SLC39A9: variants seen among roughly 807,000 people sequenced by gnomAD.
The protein encoded by SLC39A9 is zinc transporter ZIP9.
Under a neutral mutation model 28.4 loss-of-function variants are expected in SLC39A9, and 14 were observed. The ratio of observed to expected loss-of-function variants is 0.49; its 90% confidence interval spans 0.33 to 0.77. SLC39A9 has a LOEUF of 0.77. Ranked by LOEUF, SLC39A9 falls within the 30% of genes least tolerant of loss-of-function variation. The pLI is 0.02. For missense variants in SLC39A9, 283 were observed against 381.1 expected, an observed-to-expected ratio of 0.74 and a Z score of 2.14; for synonymous variants, 119 against 149.6, an observed-to-expected ratio of 0.80 and a Z score of 1.49.
At chr14:69,403,462 A>G (rs1882747527) in intron 1 of SLC39A9, among the ~76,000 whole-genome samples, 1 of 152,240 alleles carries the variant, frequency 6.6e-6, no homozygotes, top group East Asian at 1.9e-4. Context: ...TCAGAGCTCT[A>G]CAGCAATATT....
intron 3 of SLC39A9, among the ~76,000 whole-genome samples, chr14:69,446,873 C>CAAAAAAAAAAAAAAAAAAA (rs35612117): frequency 1.1e-5 from 1 of 89,820 alleles, no homozygotes; most frequent in Non-Finnish European, 2.1e-5. Flanking sequence ...AACTCTGTCT[C>CAAAAAAAAAAAAAAAAAAA]AAAAAAAAAA....
At chr14:69,437,769 A>G (rs2140292278) in intron 2 of SLC39A9, among the ~76,000 whole-genome samples, 1 of 151,582 alleles carries the variant, frequency 6.6e-6, no homozygotes, top group Non-Finnish European at 1.5e-5. Context: ...TTGTATTTTT[A>G]ATAGAGATGG....
At position 69,454,900 on chromosome 14, in the gene SLC39A9, A is replaced by G. The variant is rs1379910412; in HGVS notation, c.558+3A>G. 1 of 1,612,044 alleles carries G rather than the reference A, an allele frequency of 6.2e-7. No individual in the cohort carries two copies. Among genetic ancestry groups the G allele is most frequent in the Non-Finnish European group, 8.5e-7 (1 of 1,178,834 alleles). ...TTGTGGCAATCATGCTACATAAGGTAAGCAACATTTTGGTGTAAGGTTTGG... is the reference window on the plus strand; with the variant it reads ...TTGTGGCAATCATGCTACATAAGGTGAGCAACATTTTGGTGTAAGGTTTGG... On this transcript the variant is annotated splice_donor_region_variant and intron_variant, in intron 5 of 6. Transcript: ENST00000336643.
At chr14:69,415,327 G>A (rs1364522417) in intron 1 of SLC39A9, among the ~76,000 whole-genome samples, 4 of 152,074 alleles carry the variant, frequency 2.6e-5, no homozygotes, top group Non-Finnish European at 4.4e-5. Flanking sequence ...ATTTTAATGG[G>A]TATGAAAAGG....
intron 1 of SLC39A9, among the ~76,000 whole-genome samples, chr14:69,416,232 T>C (rs1883573810): frequency 6.6e-6 from 1 of 152,212 alleles, no homozygotes; most frequent in Admixed American, 6.5e-5. Flanking sequence ...TTTGGTTTTC[T>C]GTCTTTCCGA....
chr14:69,417,105 G>T (rs890968634), intron 1 of SLC39A9, among the ~76,000 whole-genome samples: 1 of 152,158 alleles, frequency 6.6e-6, no homozygotes, highest in Non-Finnish European at 1.5e-5. Flanking sequence ...ATGGTTTTAG[G>T]TGTAACATTT....
At chr14:69,444,720 T>C (rs1885212117) in intron 3 of SLC39A9, among the ~76,000 whole-genome samples, 1 of 152,232 alleles carries the variant, frequency 6.6e-6, no homozygotes, top group Non-Finnish European at 1.5e-5. Flanking sequence ...TTATTTATCA[T>C]TGGAAAATAC....
chr14:69,422,031 A>G (rs1262980051), intron 1 of SLC39A9, among the ~76,000 whole-genome samples: 2 of 152,114 alleles, frequency 1.3e-5, no homozygotes, highest in African/African-American at 4.8e-5. Flanking sequence ...AACCCGTCCC[A>G]GTGAGATGAA....
At chr14:69,401,123 A>G (rs905577550) in intron 1 of SLC39A9, among the ~76,000 whole-genome samples, 1 of 152,196 alleles carries the variant, frequency 6.6e-6, no homozygotes, top group Non-Finnish European at 1.5e-5. Context: ...CGTAGCCACT[A>G]AGCATTTCGG....
At chr14:69,431,914 G>A (rs1366975635) in intron 2 of SLC39A9, among the ~76,000 whole-genome samples, 1 of 152,104 alleles carries the variant, frequency 6.6e-6, no homozygotes, top group African/African-American at 2.4e-5. Context: ...TGGCTGAATG[G>A]TATTCCGTGG....
chr14:69,423,872 G>A (rs1884034205), intron 1 of SLC39A9, among the ~76,000 whole-genome samples: 3 of 147,340 alleles, frequency 2.0e-5, no homozygotes, highest in Non-Finnish European at 4.4e-5. Context: ...CCTCAAGCCT[G>A]AGCGACAGAG....
intron 3 of SLC39A9, among the ~76,000 whole-genome samples, chr14:69,443,600 A>G (rs1400366133): frequency 1.3e-5 from 2 of 152,188 alleles, no homozygotes; most frequent in Non-Finnish European, 2.9e-5. Context: ...GGCAGTCACC[A>G]TGACTCACCT....
At chr14:69,430,080 A>G (rs1884411578) in intron 2 of SLC39A9, among the ~76,000 whole-genome samples, 1 of 152,130 alleles carries the variant, frequency 6.6e-6, no homozygotes, top group Non-Finnish European at 1.5e-5. Flanking sequence ...AGAGTCCTTT[A>G]TATATTCTAG....
At chr14:69,440,091 G>T (rs1461924371) in intron 2 of SLC39A9, among the ~76,000 whole-genome samples, 1 of 152,138 alleles carries the variant, frequency 6.6e-6, no homozygotes, top group Non-Finnish European at 1.5e-5. Context: ...GGAAGGAGAA[G>T]TGCTAAATGA....
Position 69,399,353 on chromosome 14 carries a change from G to C in SLC39A9, c.-17G>C, listed in dbSNP as rs769928047. 6.8e-6 allele frequency: 11 copies of C among 1,611,084 alleles called. No individual in the cohort carries two copies. Among genetic ancestry groups the C allele is most frequent in the Non-Finnish European group, 9.3e-6 (11 of 1,177,962 alleles). ...AATTTGTTGTCTAGTGGTTGTGGGT[G>C]AATAAAGGAGGGCAGAATGGATGAT... is the stretch of plus-strand genomic sequence containing the variant. On this transcript the variant is annotated 5_prime_UTR_variant, in exon 1 of 7. Coordinates refer to ENST00000336643, the MANE Select transcript of SLC39A9 (RefSeq NM_018375.5).
At chr14:69,444,000 ACATGGTGAGACCC>A (rs1885172363) in intron 3 of SLC39A9, among the ~76,000 whole-genome samples, 1 of 152,078 alleles carries the variant, frequency 6.6e-6, no homozygotes, top group African/African-American at 2.4e-5. Context: ...AGCCTGGGAG[ACATGGTGAGACCC>A]CATCTCTACG....
chr14:69,414,650 T>C (rs1333752639), intron 1 of SLC39A9, among the ~76,000 whole-genome samples: 4 of 152,352 alleles, frequency 2.6e-5, no homozygotes, highest in Admixed American at 1.3e-4. Flanking sequence ...TAGATAATTT[T>C]ATAGAATGAA....
intron 2 of SLC39A9, among the ~76,000 whole-genome samples, chr14:69,426,686 G>T (rs1248854453): frequency 1.3e-5 from 2 of 151,994 alleles, no homozygotes; most frequent in Non-Finnish European, 1.5e-5. Flanking sequence ...AAGACCCCAA[G>T]TCCTGCCTTG....
rs1324060914 is a variant in SLC39A9 at position 69,458,568 on chromosome 14, T to C, written c.899T>C (p.Ile300Thr). 1 of 1,613,532 alleles carries C rather than the reference T, an allele frequency of 6.2e-7. No homozygotes were observed. Among genetic ancestry groups the C allele is most frequent in the African/African-American group, 1.3e-5 (1 of 74,922 alleles). Residue 300 changes from isoleucine (I) to threonine (T), a missense_variant, in exon 7 of 7, where the codon ATC becomes ACC. Ile to Thr is a moderately conservative substitution (Grantham distance 89). Transcript: ENST00000336643. ...GTTCTGGGTTGCCTCATCCCTCTCA[T>C]CCTGTCAGTAGGACACCAGCATTAA... ...ALVLGCLIPLILSVGHQH is the reference protein window; with the variant it reads ...ALVLGCLIPLTLSVGHQH
Sources: allele counts gnomAD v4.1 joint callset (sites outside exome capture counted in the v4.1 genomes callset), GRCh38; gene constraint gnomAD v4.1.1; transcripts MANE v1.5; gene names NCBI Gene and HGNC (gene_info 2026-07-23, HGNC 2026-07-21).